CRNN: variants seen among roughly 807,000 people sequenced by gnomAD.
The protein encoded by CRNN is 53 kDa putative calcium-binding protein.
In CRNN, 39 loss-of-function variants were observed where a neutral mutation model predicts 44.7. The ratio of observed to expected loss-of-function variants is 0.87; its 90% CI spans 0.68 to 1.14. CRNN has a LOEUF of 1.14. Among genes scored for constraint, CRNN ranks in the 50% most tolerant of loss-of-function variants. The probability of loss-of-function intolerance (pLI) is 0.00; values close to 1 mark genes in which losing one functional copy is unlikely to be tolerated. For synonymous variants in CRNN, 240 were observed against 231.8 expected (o/e 1.04, Z -0.32); for missense variants, 606 against 605.1 (o/e 1.00, Z -0.02).
At chr1:152,412,416 T>G (rs1218330455) in intron 1 of CRNN, among the ~76,000 whole-genome samples, 170 bp from the exon 2 acceptor site, 1 of 152,152 alleles carries the variant, frequency 6.6e-6, no homozygotes, top group Non-Finnish European at 1.5e-5. Context: ...GCACACAGGA[T>G]GGAGGCAGGT....
At chr1:152,411,839 T>C (rs1427687743) in intron 2 of CRNN, among the ~76,000 whole-genome samples, 8 of 152,214 alleles carry the variant, frequency 5.3e-5, no homozygotes. Flanking sequence ...TGAGTTGTCC[T>C]TTTAGAGCCC....
Position 152,414,253 on chromosome 1 carries a change from G to C in CRNN, c.-53C>G, listed in dbSNP as rs1383588808. ...GGATGAAACAAGTGGCTGTTAAGTG[G>C]TGTGAGGAGTACCAGGTCAGTGTGA... is the stretch of plus-strand genomic sequence containing the variant. On this transcript the variant is annotated 5_prime_UTR_variant, in exon 1 of 3. Transcript: ENST00000271835. 6.6e-6 allele frequency: 1 copy of C among 152,410 alleles called. No individual in the cohort carries two copies. The highest frequency in any genetic ancestry group is 1.5e-5 in the Non-Finnish European group (1 of 68,194). The allele number at this position is 152,410 out of a possible 1,614,324, so 9.4% of individuals were successfully genotyped here.
Position 152,410,590 on chromosome 1 carries a change from G to A in CRNN, c.492C>T (p.Val164=), listed in dbSNP as rs762992791. The change falls in exon 3 of 3, where the codon GTC becomes GTT. Residue 164 remains valine (V), a synonymous_variant. Transcript: ENST00000271835. ...ACTCAGCTTGCCTGTCATAGCTGCT[G>A]ACCCACGCAGAGCCAGTGGCCTGAC... ...TQGQATGSAW[V]SSYDRQAESQ... 6.2e-7 allele frequency: 1 copy of A among 1,614,104 alleles called. No individual in the cohort carries two copies. The highest frequency in any genetic ancestry group is 1.1e-5 in the South Asian group (1 of 91,086).
Position 152,409,737 on chromosome 1 carries a change from CCCTT to C in CRNN, c.1341_1344del (p.Glu449GlnfsTer2), listed in dbSNP as rs1557914526. On this transcript the variant is annotated frameshift_variant, in exon 3 of 3. Transcript: ENST00000271835. LOFTEE classifies it high-confidence loss of function. The stretch of plus-strand genomic sequence containing the variant: ...TGGTCCAGCCTGAGGATCACTGTCT[CCCTT>C]GAGTGGTCATCAACCCATTCCTCAC... The C allele has an allele frequency of 1.9e-6, 3 of 1,614,224 alleles. No individual in the cohort carries two copies. In the Admixed American group the frequency reaches 5.0e-5, roughly 27 times the overall value.
Position 152,409,926 on chromosome 1 carries a change from T to C in CRNN, c.1156A>G (p.Arg386Gly). The C allele has an allele frequency of 6.2e-7, 1 of 1,614,146 alleles. No homozygotes were observed. Among genetic ancestry groups the C allele is most frequent in the Non-Finnish European group, 8.5e-7 (1 of 1,180,038 alleles). The stretch of plus-strand genomic sequence containing the variant: ...TCAGGGTTGCTCACTTGCATCCATC[T>C]TTGACCACTGCCTGGCTGCGTCTGG... The part of the protein sequence containing the change: ...QTQTQPGSGQ[R>G]WMQVSNPEAG... The change falls in exon 3 of 3, where the codon AGA becomes GGA. Residue 386 changes from arginine to glycine, a missense_variant. Coordinates refer to ENST00000271835, the MANE Select transcript of CRNN (RefSeq NM_016190.3).
Position 152,410,174 on chromosome 1 carries a change from T to TC in CRNN, c.907dup (p.Glu303GlyfsTer27). ...TCCTGTCTGGTGGCTGCTGTCCTGCTCCACGGTCTGGGTGGGTGTCTGGGT... is the reference window on the plus strand; with the variant it reads ...TCCTGTCTGGTGGCTGCTGTCCTGCTCCCACGGTCTGGGTGGGTGTCTGGGT... On this transcript the variant is annotated frameshift_variant, in exon 3 of 3. Transcript: ENST00000271835. LOFTEE classifies it high-confidence loss of function. 1 of 1,610,776 alleles carries TC rather than the reference T, an allele frequency of 6.2e-7. No homozygotes were observed.
Position 152,409,531 on chromosome 1 carries a change from G to T in CRNN, c.*63C>A. The T allele has an allele frequency of 1.9e-6, 3 of 1,553,876 alleles. No homozygotes were observed. Among genetic ancestry groups the T allele is most frequent in the Non-Finnish European group, 2.6e-6 (3 of 1,149,594 alleles). ...GGGATGCACCCACTGGATTGGCCAT[G>T]CAGGACAAGCCAAACTCTCTCCAGC... On this transcript the variant is annotated 3_prime_UTR_variant, in exon 3 of 3. Transcript: ENST00000271835.
intron 2 of CRNN, 100 bp from the exon 3 acceptor site, chr1:152,411,043 A>ATACGG: frequency 6.8e-7 from 1 of 1,475,516 alleles, no homozygotes; most frequent in Non-Finnish European, 8.9e-7. Context: ...CAGACCCCAC[A>ATACGG]CTACACACAC....
At chr1:152,411,206 T>C (rs1356759630) in intron 2 of CRNN, among the ~76,000 whole-genome samples, 1 of 152,162 alleles carries the variant, frequency 6.6e-6, no homozygotes, top group Non-Finnish European at 1.5e-5. Context: ...TATTGAAGAG[T>C]TAATAAATTA....
chr1:152,413,431 A>G (rs1294452503), intron 1 of CRNN, among the ~76,000 whole-genome samples: 1 of 152,232 alleles, frequency 6.6e-6, no homozygotes, highest in African/African-American at 2.4e-5. Context: ...GGAAAGCCAG[A>G]GAGAGGATGG....
chr1:152,411,326 GAGC>G (rs1182711139), intron 2 of CRNN, among the ~76,000 whole-genome samples: 2 of 152,228 alleles, frequency 1.3e-5, no homozygotes, highest in African/African-American at 4.8e-5. Context: ...CCAGCACAAA[GAGC>G]AGCAGGTTGG....
chr1:152,411,293 A>G (rs1252463887), intron 2 of CRNN, among the ~76,000 whole-genome samples: 1 of 152,198 alleles, frequency 6.6e-6, no homozygotes, highest in Non-Finnish European at 1.5e-5. Context: ...CCTGGCACTG[A>G]GGCCTTAGTC....
Position 152,409,658 on chromosome 1 carries a change from G to C in CRNN, c.1424C>G (p.Ser475Ter), listed in dbSNP as rs1259963868. The C allele has an allele frequency of 6.2e-7, 1 of 1,614,160 alleles. No individual in the cohort carries two copies. The highest frequency in any genetic ancestry group is 8.5e-7 in the Non-Finnish European group (1 of 1,180,012). The change falls in exon 3 of 3, where the codon TCA becomes TGA. Residue 475 changes from serine to a stop codon, truncating the protein, a stop_gained. Transcript: ENST00000271835. LOFTEE classifies it high-confidence loss of function. ...AGCTGTGATGCCTCGCTTCTCTTCT[G>C]ACTGGGCTGCATCCTGGCCCTGTGC... ...SSAQGQDAAQ[S>*]EEKRGITARE...
chr1:152,410,433 G>A lies in CRNN; in HGVS notation c.649C>T (p.Gln217Ter), dbSNP rs1439012701. 3.1e-6 allele frequency: 5 copies of A among 1,614,196 alleles called. No homozygotes were observed. The highest frequency in any genetic ancestry group is 1.7e-5 in the Admixed American group (1 of 60,028). Residue 217 changes from glutamine (Q) to a stop codon, truncating the protein, a stop_gained, in exon 3 of 3, where the codon CAG (glutamine) becomes TAG (stop). Coordinates refer to ENST00000271835, the MANE Select transcript of CRNN (RefSeq NM_016190.3). LOFTEE classifies it high-confidence loss of function. Reference protein sequence around the residue: ...RPERQPQTREQDRAHQTGETV... With the variant: ...RPERQPQTRE ...TCACCTGTCTGGTGGGCTCTGTCCT[G>A]TTCCCTGGTCTGTGGCTGTCTCTCT...
chr1:152,414,218 T>A lies in CRNN; in HGVS notation c.-18A>T, dbSNP rs1366003002. 2 of 152,538 alleles carry A rather than the reference T, an allele frequency of 1.3e-5. No individual in the cohort carries two copies. The highest frequency in any genetic ancestry group is 4.8e-5 in the African/African-American group (2 of 41,476). The allele number at this position is 152,538 out of a possible 1,614,324, so 9.4% of individuals were successfully genotyped here. On this transcript the variant is annotated 5_prime_UTR_variant, in exon 1 of 3. Coordinates refer to ENST00000271835, the MANE Select transcript of CRNN (RefSeq NM_016190.3). ...GTTTCTTATGAGGGGACTTACCTAATGCCCAGGTGGGATGAAACAAGTGGC... is the reference window on the plus strand; with the variant it reads ...GTTTCTTATGAGGGGACTTACCTAAAGCCCAGGTGGGATGAAACAAGTGGC...
intron 2 of CRNN, 70 bp downstream of exon 2, chr1:152,412,026 G>C: frequency 6.7e-7 from 1 of 1,484,426 alleles, no homozygotes. Flanking sequence ...CCCCAGGCAA[G>C]GCCTCTGCAG....
In CRNN at chr1:152,413,215, G is replaced by T. The variant is rs76101029; in HGVS notation, c.-13-969C>A. Reference sequence around the variant, plus strand: ...CCAGATTTCTGGTGACCTATGAGTTGGTTCCTAATCAAAGGGAAAGCTTTT... The same window carrying T: ...CCAGATTTCTGGTGACCTATGAGTTTGTTCCTAATCAAAGGGAAAGCTTTT... On this transcript the variant is annotated intron_variant, in intron 1 of 2. Transcript: ENST00000271835. 1.4e-3 allele frequency among the ~76,000 whole-genome samples: 212 copies of T among 152,292 alleles called. 5 individuals carry two copies. The East Asian group carries it at 0.028, about 20-fold the overall frequency.
chr1:152,410,575 C>A lies in CRNN; in HGVS notation c.507G>T (p.Arg169Ser). 1 of 1,614,130 alleles carries A rather than the reference C, an allele frequency of 6.2e-7. No individual in the cohort carries two copies. Among genetic ancestry groups the A allele is most frequent in the Non-Finnish European group, 8.5e-7 (1 of 1,180,022 alleles). Residue 169 changes from arginine to serine, a missense_variant, in exon 3 of 3, where the codon AGG becomes AGT. Transcript: ENST00000271835. Reference protein sequence around the residue: ...TGSAWVSSYDRQAESQSQERI... With the variant: ...TGSAWVSSYDSQAESQSQERI... ...TTTCCTGGCTCTGGGACTCAGCTTG[C>A]CTGTCATAGCTGCTGACCCACGCAG...
rs768735278 is a variant in CRNN, at chr1:152,410,663, C to G, written c.419G>C (p.Ser140Thr). 6.2e-7 allele frequency: 1 copy of G among 1,614,112 alleles called. No homozygotes were observed. The highest frequency in any genetic ancestry group is 1.7e-5 in the Admixed American group (1 of 60,024). ...QHYEGSSHRQ[S>T]QQGSRGQNRP... ...GTTCTGCCCTCTGGAACCCTGCTGGCTCTGTCTGTGGCTGCTCCCCTCATA... is the reference window on the plus strand; with the variant it reads ...GTTCTGCCCTCTGGAACCCTGCTGGGTCTGTCTGTGGCTGCTCCCCTCATA... The change falls in exon 3 of 3, where the codon AGC becomes ACC. Residue 140 changes from serine (S) to threonine (T), a missense_variant. Transcript: ENST00000271835.
Sources: gnomAD v4.1 joint callset for allele counts (sites outside exome capture counted in the v4.1 genomes callset) on GRCh38, gnomAD v4.1.1 for gene constraint, MANE v1.5 for transcripts, NCBI Gene and HGNC (gene_info 2026-07-23, HGNC 2026-07-21) for gene names.